The following KCNAB1 variants were observed in gnomAD, a reference collection of about 807,000 sequenced individuals.
The protein encoded by KCNAB1 is potassium voltage-gated channel subfamily A regulatory beta subunit 1, also known as voltage-gated potassium channel subunit beta-1.
In KCNAB1, 35 loss-of-function variants were observed where a neutral mutation model predicts 64.6. The observed-to-expected ratio is 0.54, with a 90% CI of 0.41 to 0.72. The LOEUF (loss-of-function observed/expected upper bound fraction) is 0.72, where lower values mean the gene tolerates loss of function less well. KCNAB1 is among the 30% of genes least tolerant of loss of function. KCNAB1 has a pLI of 0.00. For missense variants in KCNAB1, 401 were observed against 512.9 expected (o/e 0.78, Z 2.11); for synonymous variants, 177 against 183.8 (o/e 0.96, Z 0.30).
intron 1 of KCNAB1, among the ~76,000 whole-genome samples, chr3:156,284,932 C>G (rs1235350255): frequency 6.6e-6 from 1 of 152,220 alleles, no homozygotes; most frequent in African/African-American, 2.4e-5. Flanking sequence ...GTCTTCGTCG[C>G]TCTTGCTGGG....
Position 156,537,308 on chromosome 3 carries a change from TA to T in KCNAB1, c.*562del, listed in dbSNP as rs1189618009. Reference sequence around the variant, plus strand: ...AAGAATAAGCAGAAATAATTTTATATATTTTTTTTCTATTTTCACATTCATA... The same window carrying T: ...AAGAATAAGCAGAAATAATTTTATATTTTTTTTTCTATTTTCACATTCATA... On this transcript the variant is annotated 3_prime_UTR_variant, in exon 14 of 14. Transcript: ENST00000490337. 17 of 356,910 alleles carry T rather than the reference TA, an allele frequency of 4.8e-5. No individual in the cohort carries two copies. Among genetic ancestry groups the T allele is most frequent in the African/African-American group, 2.3e-4 (11 of 47,792 alleles). The allele number at this position is 356,910 out of a possible 1,614,324, so 22.1% of individuals were successfully genotyped here.
At chr3:156,448,524 G>C (rs1013971198) in intron 2 of KCNAB1, among the ~76,000 whole-genome samples, 1 of 152,148 alleles carries the variant, frequency 6.6e-6, no homozygotes, top group Non-Finnish European at 1.5e-5. Flanking sequence ...TCCTCCTCAG[G>C]AGTAGAAAGT....
In KCNAB1 at chr3:156,280,803, T is replaced by C. The variant is rs1158729476; in HGVS notation, c.276-140813T>C. ...TGTGTAAGAATGCTTGTGATTTTTGTACATTGATTTTGTATCCTGAGACTT... is the reference window on the plus strand; with the variant it reads ...TGTGTAAGAATGCTTGTGATTTTTGCACATTGATTTTGTATCCTGAGACTT... On this transcript the variant is annotated intron_variant, in intron 1 of 13. Transcript: ENST00000490337. Among the ~76,000 whole-genome samples, 57 of 151,738 alleles carry C rather than the reference T, an allele frequency of 3.8e-4. 1 individual carries two copies. In the Middle Eastern group the frequency reaches 0.01, roughly 27 times the overall value.
chr3:156,231,689 G>A (rs1000337142), intron 1 of KCNAB1, among the ~76,000 whole-genome samples: 3 of 151,674 alleles, frequency 2.0e-5, no homozygotes. Flanking sequence ...AATAAAACTT[G>A]GTCTTCACAA....
intron 1 of KCNAB1, among the ~76,000 whole-genome samples, chr3:156,313,322 A>G (rs1156424598): frequency 1.3e-5 from 2 of 152,172 alleles, no homozygotes; most frequent in Non-Finnish European, 2.9e-5. Context: ...TTGAATAATG[A>G]TCTCCCAAAA....
rs1209386705 is a variant in KCNAB1 at position 156,375,462 on chromosome 3, C to A, written c.276-46154C>A. ...GGAAGGGGCAGAGAATAGACCAGAA[C>A]CTGCTCATTTTCTAGTGACACAGAC... On this transcript the variant is annotated intron_variant, in intron 1 of 13. Coordinates refer to ENST00000490337, the MANE Select transcript of KCNAB1 (RefSeq NM_172160.3). Among the ~76,000 whole-genome samples, 11 of 134,948 alleles carry A rather than the reference C, an allele frequency of 8.2e-5. 1 individual carries two copies. The highest frequency in any genetic ancestry group is 1.1e-4 in the Non-Finnish European group (7 of 64,836). The allele number at this position is 134,948 out of a possible 152,430, so 88.5% of individuals were successfully genotyped here. A position where few individuals can be genotyped will look rare whatever the true frequency, so the allele number is the denominator to read the frequency against.
At chr3:156,428,486 T>C (rs1715975009) in intron 2 of KCNAB1, among the ~76,000 whole-genome samples, 1 of 84,854 alleles carries the variant, frequency 1.2e-5, no homozygotes, top group South Asian at 3.9e-4. Context: ...ATAATTCCTC[T>C]ATACACACAC....
chr3:156,419,375 C>A (rs1207056179), intron 1 of KCNAB1, among the ~76,000 whole-genome samples: 1 of 151,912 alleles, frequency 6.6e-6, no homozygotes, highest in African/African-American at 2.4e-5. Context: ...GTGGGGGGTG[C>A]CTGTAGTCCC....
chr3:156,531,635 C>A (rs1052724580), intron 13 of KCNAB1, 138 bp downstream of exon 13: 2 of 698,622 alleles, frequency 2.9e-6, no homozygotes, highest in Non-Finnish European at 5.2e-6. Flanking sequence ...GAACACTTTC[C>A]CAGTACATGG....
At chr3:156,494,489 C>G (rs1349276061) in intron 8 of KCNAB1, among the ~76,000 whole-genome samples, 1 of 152,138 alleles carries the variant, frequency 6.6e-6, no homozygotes, top group African/African-American at 2.4e-5. Flanking sequence ...CTTATCTTTT[C>G]CTGCTTTATT....
At chr3:156,121,784 A>C (rs1713360074) in intron 1 of KCNAB1, among the ~76,000 whole-genome samples, 1 of 152,226 alleles carries the variant, frequency 6.6e-6, no homozygotes, top group Admixed American at 6.5e-5. Flanking sequence ...CCTTTTGTAG[A>C]GACTGTATGG....
chr3:156,175,578 A>G (rs1003073725), intron 1 of KCNAB1, among the ~76,000 whole-genome samples: 2 of 152,240 alleles, frequency 1.3e-5, no homozygotes, highest in Non-Finnish European at 1.5e-5. Context: ...GAGATGCGCC[A>G]CTGCACTCCA....
At chr3:156,336,189 G>A (rs1276147333) in intron 1 of KCNAB1, among the ~76,000 whole-genome samples, 13 of 152,018 alleles carry the variant, frequency 8.6e-5, no homozygotes, top group Non-Finnish European at 1.0e-4. Context: ...GCGAAACCCC[G>A]ACTCTACTAA....
At chr3:156,449,042 G>A (rs1327018099) in intron 2 of KCNAB1, among the ~76,000 whole-genome samples, 1 of 152,030 alleles carries the variant, frequency 6.6e-6, no homozygotes, top group Non-Finnish European at 1.5e-5. Context: ...GGCCAGGGAG[G>A]TAGTCATCAT....
chr3:156,178,937 C>T (rs1712583663), intron 1 of KCNAB1, among the ~76,000 whole-genome samples: 1 of 140,200 alleles, frequency 7.1e-6, no homozygotes, highest in African/African-American at 2.8e-5. Flanking sequence ...GGAGGCGGAG[C>T]TTGCAGTGAG....
chr3:156,197,564 A>G (rs889358664), intron 1 of KCNAB1, among the ~76,000 whole-genome samples: 6 of 152,096 alleles, frequency 3.9e-5, no homozygotes, highest in Middle Eastern at 3.4e-3. Context: ...GAATTTATCA[A>G]TTTCTTCTAG....
At chr3:156,353,163 T>C (rs1333826148) in intron 1 of KCNAB1, among the ~76,000 whole-genome samples, 3 of 152,250 alleles carry the variant, frequency 2.0e-5, no homozygotes, top group Admixed American at 6.5e-5. Context: ...TCAGTGACAG[T>C]TCTTCATTAG....
At chr3:156,231,874 C>A (rs748177763) in intron 1 of KCNAB1, among the ~76,000 whole-genome samples, 3 of 152,112 alleles carry the variant, frequency 2.0e-5, no homozygotes, top group Admixed American at 1.3e-4. Context: ...TGATTGATGT[C>A]TCATGCCTTC....
chr3:156,143,525 AAG>A, intron 1 of KCNAB1: 1 of 783,940 alleles, frequency 1.3e-6, no homozygotes, highest in Non-Finnish European at 1.9e-6. Context: ...CTGTAAGAAA[AAG>A]AAGGAAAAAT....
Sources: allele counts gnomAD v4.1 joint callset (sites outside exome capture counted in the v4.1 genomes callset), GRCh38; gene constraint gnomAD v4.1.1; transcripts MANE v1.5; gene names NCBI Gene and HGNC (gene_info 2026-07-23, HGNC 2026-07-21).